PCDHA11: variants seen among roughly 807,000 people sequenced by gnomAD.
PCDHA11 encodes the protein protocadherin alpha 11.
PCDHA11 carries 61 observed loss-of-function variants against 70.3 expected under a neutral mutation model. The ratio of observed to expected loss-of-function variants is 0.87; its 90% CI spans 0.71 to 1.07. The LOEUF is 1.07. Ranked by LOEUF, PCDHA11 falls within the 50% of genes least tolerant of loss-of-function variation. The pLI, the probability that PCDHA11 is intolerant of heterozygous loss-of-function variation, is 0.00. For synonymous variants in PCDHA11, 633 were observed against 555.1 expected, an observed-to-expected ratio of 1.14 and a Z score of -1.97; for missense variants, 1,324 against 1,237.5, an observed-to-expected ratio of 1.07 and a Z score of -1.05.
chr5:140,996,557 T>C (rs1200836194), intron 3 of PCDHA11, among the ~76,000 whole-genome samples: 3 of 152,226 alleles, frequency 2.0e-5, no homozygotes, highest in Admixed American at 6.5e-5. Context: ...GTCACTATCT[T>C]GAAGTTCTTG....
intron 1 of PCDHA11, among the ~76,000 whole-genome samples, chr5:140,891,690 C>T (rs12518591): frequency 0.01 from 1,559 of 152,280 alleles, 92 homozygotes; most frequent in Admixed American, 0.092. Context: ...TCTCTTCTTG[C>T]TGTTGTCTGA....
intron 1 of PCDHA11, among the ~76,000 whole-genome samples, chr5:140,873,191 C>G (rs1554166611): frequency 6.6e-6 from 1 of 151,960 alleles, no homozygotes; most frequent in Non-Finnish European, 1.5e-5. Flanking sequence ...TATTCATTGG[C>G]TAAAAACATT....
rs949262123 is a variant in PCDHA11 at position 140,869,389 on chromosome 5, T to G, written c.286T>G (p.Cys96Gly). Residue 96 changes from cysteine to glycine, a missense_variant, in exon 1 of 4, where the codon TGC (cysteine) becomes GGC (glycine). Coordinates refer to ENST00000398640, the MANE Select transcript of PCDHA11 (RefSeq NM_018902.5). ...TTCTCGGATCGACCGCGAGGAGCTGTGCGGGCAGAGCGCGGAGTGCAGCAT... is the reference window on the plus strand; with the variant it reads ...TTCTCGGATCGACCGCGAGGAGCTGGGCGGGCAGAGCGCGGAGTGCAGCAT... ...VNSRIDREEL[C>G]GQSAECSIHL... The G allele has an allele frequency of 1.9e-6, 3 of 1,614,180 alleles. No homozygotes were observed. Among genetic ancestry groups the G allele is most frequent in the Admixed American group, 3.3e-5 (2 of 60,030 alleles).
chr5:140,912,889 G>T (rs782116758), intron 1 of PCDHA11, among the ~76,000 whole-genome samples: 8 of 152,140 alleles, frequency 5.3e-5, no homozygotes, highest in Non-Finnish European at 1.2e-4. Context: ...TCATTCTGTT[G>T]ATATGATGTA....
At chr5:140,914,095 C>G (rs1368870998) in intron 1 of PCDHA11, among the ~76,000 whole-genome samples, 1 of 152,082 alleles carries the variant, frequency 6.6e-6, no homozygotes, top group Non-Finnish European at 1.5e-5. Context: ...TCAATTTGTT[C>G]TATAGTGCAG....
At chr5:140,936,144 T>C (rs1386720304) in intron 1 of PCDHA11, among the ~76,000 whole-genome samples, 2 of 152,158 alleles carry the variant, frequency 1.3e-5, no homozygotes, top group African/African-American at 4.8e-5. Flanking sequence ...CTGCCCGCCT[T>C]GGCCTCCTAA....
At chr5:140,927,882 G>A in intron 1 of PCDHA11, 2 of 1,614,224 alleles carry the variant, frequency 1.2e-6, no homozygotes, top group Non-Finnish European at 1.7e-6. Context: ...TGGTGGAGGT[G>A]ACTGACGTGA....
At chr5:141,009,584 AT>A in intron 3 of PCDHA11, 42 bp from the exon 4 acceptor site, 1 of 1,592,004 alleles carries the variant, frequency 6.3e-7, no homozygotes, top group Non-Finnish European at 8.6e-7. Flanking sequence ...CATCAAGAGC[AT>A]GTGTTGACCC....
intron 1 of PCDHA11, chr5:140,966,703 G>A: frequency 1.5e-6 from 2 of 1,376,398 alleles, no homozygotes; most frequent in Non-Finnish European, 1.9e-6. Flanking sequence ...CCCGGGCGTG[G>A]GGCACGGCTG....
chr5:140,986,397 C>G (rs943993265), intron 3 of PCDHA11, among the ~76,000 whole-genome samples: 1 of 152,162 alleles, frequency 6.6e-6, no homozygotes. Context: ...AAGGGCCAGT[C>G]GCTCATGTTA....
chr5:140,936,000 C>G (rs370629183), intron 1 of PCDHA11, among the ~76,000 whole-genome samples: 1 of 150,536 alleles, frequency 6.6e-6, no homozygotes, highest in African/African-American at 2.4e-5. Flanking sequence ...TCAAGCGATT[C>G]TCCCACCTCA....
chr5:140,891,912 T>C (rs2063306720), intron 1 of PCDHA11, among the ~76,000 whole-genome samples: 1 of 152,244 alleles, frequency 6.6e-6, no homozygotes, highest in Admixed American at 6.5e-5. Context: ...CTTCACCAGA[T>C]GCTGGTGCCT....
chr5:140,957,133 A>G (rs1308855631), intron 1 of PCDHA11, among the ~76,000 whole-genome samples: 4 of 152,222 alleles, frequency 2.6e-5, no homozygotes, highest in African/African-American at 9.6e-5. Context: ...TTACTACACT[A>G]TGAACTAAAA....
At position 140,968,564 on chromosome 5, in the gene PCDHA11, G is replaced by A. The variant is rs565573880; in HGVS notation, c.2392-10385G>A. ...CGAGATGGTGCCTCGAACTGCCCCT[G>A]CTGGCTACCTGGTCACCAAAGTCAT... On this transcript the variant is annotated intron_variant, in intron 1 of 3. Coordinates refer to ENST00000398640, the MANE Select transcript of PCDHA11 (RefSeq NM_018902.5). 3.1e-6 allele frequency: 5 copies of A among 1,614,168 alleles called. No homozygotes were observed. The Admixed American group carries it at 8.3e-5, about 27-fold the overall frequency.
chr5:140,946,353 A>C (rs2093933429), intron 1 of PCDHA11, among the ~76,000 whole-genome samples: 1 of 151,910 alleles, frequency 6.6e-6, no homozygotes, highest in Admixed American at 6.6e-5. Context: ...GAGGATGTGG[A>C]GAAAAGGGAA....
rs144585858 is a variant in PCDHA11 at position 140,984,129 on chromosome 5, G to A, written c.2539+1566G>A. On this transcript the variant is annotated intron_variant, in intron 3 of 3. Transcript: ENST00000398640. The stretch of plus-strand genomic sequence containing the variant: ...GGTTTTAGACTGCCAAGTGTTGCAG[G>A]ATGTGGAGGCATCTGGGAAGGTGAG... 1.3e-3 allele frequency among the ~76,000 whole-genome samples: 205 copies of A among 152,236 alleles called. 1 individual carries two copies. Among genetic ancestry groups the A allele is most frequent in the Non-Finnish European group, 2.6e-3 (175 of 68,046 alleles).
intron 1 of PCDHA11, among the ~76,000 whole-genome samples, chr5:140,894,543 T>C (rs782418710): frequency 2.6e-5 from 4 of 152,088 alleles, no homozygotes; most frequent in Non-Finnish European, 4.4e-5. Flanking sequence ...TCTGGTTTAG[T>C]GTTTACTTCT....
At chr5:140,973,728 C>G (rs1193811831) in intron 1 of PCDHA11, among the ~76,000 whole-genome samples, 1 of 152,232 alleles carries the variant, frequency 6.6e-6, no homozygotes, top group African/African-American at 2.4e-5. Context: ...ACATGGGCAT[C>G]TGGTCTAACT....
At chr5:140,933,651 C>G (rs2089301034) in intron 1 of PCDHA11, among the ~76,000 whole-genome samples, 1 of 151,824 alleles carries the variant, frequency 6.6e-6, no homozygotes, top group South Asian at 2.1e-4. Flanking sequence ...GTTGGAAATC[C>G]TGTCTCTCTC....
Sources: allele counts gnomAD v4.1 joint callset (sites outside exome capture counted in the v4.1 genomes callset), GRCh38; gene constraint gnomAD v4.1.1; transcripts MANE v1.5; gene names NCBI Gene and HGNC (gene_info 2026-07-23, HGNC 2026-07-21).